FAM171A1: variants seen among roughly 807,000 people sequenced by gnomAD.
FAM171A1 encodes the protein protein FAM171A1.
A neutral mutation model predicts 74.9 loss-of-function variants in FAM171A1; 23 were observed. The ratio of observed to expected loss-of-function variants is 0.31; its 90% CI spans 0.22 to 0.44. The LOEUF is 0.44. Among genes scored for constraint, FAM171A1 ranks in the 20% least tolerant of loss-of-function variants. The pLI is 1.00. For missense variants in FAM171A1, 1,162 were observed against 1,159.2 expected, an observed-to-expected ratio of 1.00 and a Z score of -0.03; for synonymous variants, 527 against 505.7, an observed-to-expected ratio of 1.04 and a Z score of -0.57.
intron 1 of FAM171A1, among the ~76,000 whole-genome samples, chr10:15,304,503 C>G (rs1835270048): frequency 6.6e-6 from 1 of 152,132 alleles, no homozygotes; most frequent in South Asian, 2.1e-4. Context: ...CAGAACCCAT[C>G]AAAATTAGTC....
rs562114847 is a variant in FAM171A1 at position 15,212,456 on chromosome 10, T to A, written c.*459A>T. The A allele has an allele frequency of 6.1e-6, 1 of 164,656 alleles. No homozygotes were observed. The highest frequency in any genetic ancestry group is 2.4e-5 in the African/African-American group (1 of 41,626). 10.2% of individuals were successfully genotyped at this position (164,656 alleles called of 1,614,324 possible). On this transcript the variant is annotated 3_prime_UTR_variant, in exon 8 of 8. Transcript: ENST00000378116. ...CGAAGCAGCGATGCATAGCTTTCCT[T>A]TGAGAGAACGCATACCTTGAGACGC...
chr10:15,275,745 A>G, intron 3 of FAM171A1, 110 bp downstream of exon 3: 1 of 649,604 alleles, frequency 1.5e-6, no homozygotes. Flanking sequence ...TGTTTGATTT[A>G]ATCAATCCAC....
chr10:15,287,450 C>T (rs1309767231), intron 1 of FAM171A1, among the ~76,000 whole-genome samples: 6 of 149,956 alleles, frequency 4.0e-5, no homozygotes, highest in Admixed American at 2.0e-4. Context: ...TGCAGTGGCG[C>T]GATCTTGGCT....
intron 1 of FAM171A1, among the ~76,000 whole-genome samples, chr10:15,309,328 C>T (rs1165382560): frequency 1.3e-5 from 2 of 152,206 alleles, no homozygotes; most frequent in South Asian, 4.1e-4. Flanking sequence ...CCACCTCAGC[C>T]TCCCGAGTAG....
intron 1 of FAM171A1, among the ~76,000 whole-genome samples, chr10:15,338,808 T>C (rs1033583069): frequency 2.6e-5 from 4 of 152,238 alleles, no homozygotes; most frequent in Non-Finnish European, 4.4e-5. Context: ...TAGCGTGATC[T>C]TGGCATCCTG....
chr10:15,348,668 T>C (rs1429963568), intron 1 of FAM171A1, among the ~76,000 whole-genome samples: 3 of 152,156 alleles, frequency 2.0e-5, no homozygotes, highest in Non-Finnish European at 4.4e-5. Context: ...ACGGAAGAGC[T>C]TGTTAACAGT....
intron 7 of FAM171A1, among the ~76,000 whole-genome samples, chr10:15,215,025 G>A (rs940905368): frequency 2.0e-5 from 3 of 151,942 alleles, no homozygotes; most frequent in Admixed American, 6.6e-5. Flanking sequence ...GCCTCCCAAA[G>A]TGCTAGGCCT....
chr10:15,349,678 C>T (rs1243607487), intron 1 of FAM171A1, among the ~76,000 whole-genome samples: 7 of 152,168 alleles, frequency 4.6e-5, no homozygotes, highest in Admixed American at 1.3e-4. Context: ...GAAAGGTAAA[C>T]GTGGCACCGA....
intron 5 of FAM171A1, 103 bp downstream of exon 5, chr10:15,248,536 A>G (rs1001077283): frequency 4.3e-5 from 55 of 1,276,864 alleles, no homozygotes; most frequent in Non-Finnish European, 5.7e-5. Flanking sequence ...AGCAGCATTC[A>G]CTGACTTCAA....
At chr10:15,217,227 G>A (rs1278542813) in intron 6 of FAM171A1, among the ~76,000 whole-genome samples, 1 of 152,146 alleles carries the variant, frequency 6.6e-6, no homozygotes, top group Non-Finnish European at 1.5e-5. Context: ...CAACAGATCA[G>A]CGACAACAAA....
chr10:15,354,019 T>A (rs746588934), intron 1 of FAM171A1, among the ~76,000 whole-genome samples: 1 of 152,212 alleles, frequency 6.6e-6, no homozygotes, highest in Admixed American at 6.5e-5. Flanking sequence ...TCAGAATGAA[T>A]GTCATCAACG....
chr10:15,219,945 T>C (rs898426816), intron 6 of FAM171A1, among the ~76,000 whole-genome samples: 1 of 152,202 alleles, frequency 6.6e-6, no homozygotes, highest in Non-Finnish European at 1.5e-5. Flanking sequence ...TGATATAAAG[T>C]CATTGTAACA....
chr10:15,369,666 A>G (rs1194540614), intron 1 of FAM171A1, among the ~76,000 whole-genome samples: 3 of 152,164 alleles, frequency 2.0e-5, no homozygotes, highest in East Asian at 3.9e-4. Flanking sequence ...AACAAACTCA[A>G]CCCAACAGAG....
chr10:15,310,988 CT>C (rs1178018525), intron 1 of FAM171A1, among the ~76,000 whole-genome samples: 4 of 152,092 alleles, frequency 2.6e-5, no homozygotes, highest in Non-Finnish European at 5.9e-5. Context: ...CCAGGAGGGG[CT>C]GAGTCCAGGC....
chr10:15,333,260 G>A (rs1255088139), intron 1 of FAM171A1, among the ~76,000 whole-genome samples: 13 of 152,314 alleles, frequency 8.5e-5, no homozygotes, highest in East Asian at 5.8e-4. Context: ...TTGGGAGGCC[G>A]AGGCGGGTGG....
chr10:15,221,584 T>C (rs1381472348), intron 5 of FAM171A1, among the ~76,000 whole-genome samples: 1 of 152,274 alleles, frequency 6.6e-6, no homozygotes, highest in East Asian at 1.9e-4. Context: ...TGAGCATTTT[T>C]AAAAGCTTCC....
chr10:15,267,538 G>C (rs1834761466), intron 3 of FAM171A1, among the ~76,000 whole-genome samples: 2 of 142,376 alleles, frequency 1.4e-5, no homozygotes, highest in Non-Finnish European at 3.0e-5. Context: ...AGGAGGCAGA[G>C]GTTGCAATGA....
At chr10:15,327,938 TA>T (rs11438566) in intron 1 of FAM171A1, among the ~76,000 whole-genome samples, 2,905 of 143,252 alleles carry the variant, frequency 0.02, 94 homozygotes, top group African/African-American at 0.07. Flanking sequence ...AAAATAAAAG[TA>T]AAAAAAAAAA....
intron 5 of FAM171A1, among the ~76,000 whole-genome samples, chr10:15,226,879 C>A (rs75502583): frequency 0.15 from 22,968 of 152,154 alleles, 1,957 homozygotes; most frequent in East Asian, 0.28. Flanking sequence ...ACAACCACCC[C>A]CCAGCTTCCC....
Sources: allele counts gnomAD v4.1 joint callset (sites outside exome capture counted in the v4.1 genomes callset), GRCh38; gene constraint gnomAD v4.1.1; transcripts MANE v1.5; gene names NCBI Gene and HGNC (gene_info 2026-07-23, HGNC 2026-07-21).